Variants in MB21D2 observed in about 807,000 individuals in gnomAD.
The protein encoded by MB21D2 is Mab-21 domain containing 2, also known as nucleotidyltransferase MB21D2.
Under a neutral mutation model 33.3 loss-of-function variants are expected in MB21D2, and 9 were observed. The observed-to-expected ratio is 0.27, with a 90% CI of 0.16 to 0.47. The LOEUF is 0.47. MB21D2 is among the 20% of genes least tolerant of loss of function. The probability of loss-of-function intolerance (pLI) is 0.99; values close to 1 mark genes in which losing one functional copy is unlikely to be tolerated. For synonymous variants in MB21D2, 241 were observed against 236.3 expected, an observed-to-expected ratio of 1.02 and a Z score of -0.18; for missense variants, 540 against 624.6, an observed-to-expected ratio of 0.86 and a Z score of 1.44.
chr3:192,869,318 G>GAGGGAAAA (rs764365715), intron 1 of MB21D2, among the ~76,000 whole-genome samples: 27,772 of 136,166 alleles, frequency 0.2, 3,573 homozygotes, highest in East Asian at 0.55. Context: ...AGGAGGGAAG[G>GAGGGAAAA]AGGGAAAAAG....
intron 1 of MB21D2, among the ~76,000 whole-genome samples, chr3:192,819,508 C>CCACTTGGAT: frequency 6.6e-6 from 1 of 152,312 alleles, no homozygotes; most frequent in South Asian, 2.1e-4. Flanking sequence ...CCCGCTTCGA[C>CCACTTGGAT]CACTTGGATC....
chr3:192,856,331 A>G (rs994206557), intron 1 of MB21D2, among the ~76,000 whole-genome samples: 1 of 152,192 alleles, frequency 6.6e-6, no homozygotes, highest in Admixed American at 6.5e-5. Flanking sequence ...TGCAACCTTG[A>G]GCAGATCACT....
Position 192,823,022 on chromosome 3 carries a change from A to G in MB21D2, c.212-23372T>C, listed in dbSNP as rs7635308. 4.1e-3 allele frequency among the ~76,000 whole-genome samples: 630 copies of G among 152,334 alleles called. 4 individuals carry two copies. The highest frequency in any genetic ancestry group is 0.015 in the African/African-American group (615 of 41,574). On this transcript the variant is annotated intron_variant, in intron 1 of 1. Coordinates refer to ENST00000392452, the MANE Select transcript of MB21D2 (RefSeq NM_178496.4). ...ACATTCAATCTCCATAGTTTCTACT[A>G]AACGGATATGATAAAATATAATAAA...
chr3:192,824,882 G>A (rs559804479), intron 1 of MB21D2, among the ~76,000 whole-genome samples: 1 of 152,242 alleles, frequency 6.6e-6, no homozygotes, highest in Non-Finnish European at 1.5e-5. Flanking sequence ...AAGGTGCGCA[G>A]AAAGTCCTAA....
intron 1 of MB21D2, among the ~76,000 whole-genome samples, chr3:192,807,255 G>A (rs930708258): frequency 1.3e-5 from 2 of 150,544 alleles, no homozygotes; most frequent in African/African-American, 4.9e-5. Context: ...GCTTCCCAAA[G>A]TCACAATAGG....
In MB21D2 at chr3:192,905,837, GAAGAAAAAGAAAAGGA is replaced by G. The variant is rs546291794; in HGVS notation, c.211+11777_211+11792del. Among the ~76,000 whole-genome samples, 98 of 151,542 alleles carry G rather than the reference GAAGAAAAAGAAAAGGA, an allele frequency of 6.5e-4. 1 individual carries two copies. In the South Asian group the frequency reaches 0.012, roughly 19 times the overall value. ...GACAGAGCACGCCCTGTCTCAAAAA[GAAGAAAAAGAAAAGGA>G]AAGGAAAAGAAAAGTATTGTAATAT... is the stretch of plus-strand genomic sequence containing the variant. On this transcript the variant is annotated intron_variant, in intron 1 of 1. Transcript: ENST00000392452.
intron 1 of MB21D2, among the ~76,000 whole-genome samples, chr3:192,897,837 C>A (rs944730981): frequency 6.6e-6 from 1 of 151,978 alleles, no homozygotes; most frequent in Non-Finnish European, 1.5e-5. Context: ...ACTAAAAATA[C>A]AAAAATTAGC....
chr3:192,914,309 AATG>A (rs1391855437), intron 1 of MB21D2, among the ~76,000 whole-genome samples: 1 of 152,176 alleles, frequency 6.6e-6, no homozygotes, highest in Non-Finnish European at 1.5e-5. Flanking sequence ...ATGATTAGTA[AATG>A]ATTAACTACC....
intron 1 of MB21D2, among the ~76,000 whole-genome samples, chr3:192,860,280 A>G (rs567658135): frequency 7.9e-5 from 12 of 152,240 alleles, no homozygotes; most frequent in Non-Finnish European, 1.5e-4. Flanking sequence ...TTCTACATCC[A>G]GTTCAGATTC....
chr3:192,858,052 G>A lies in MB21D2; in HGVS notation c.212-58402C>T, dbSNP rs575663095. Among the ~76,000 whole-genome samples, 10 of 152,276 alleles carry A rather than the reference G, an allele frequency of 6.6e-5. 1 individual carries two copies. In the South Asian group the frequency reaches 1.7e-3, roughly 25 times the overall value. ...AGGCAGGAAAATCGCTTGAACCCAG[G>A]AGATGGAGGTTGCGGTGAGCCAAGA... On this transcript the variant is annotated intron_variant, in intron 1 of 1. Coordinates refer to ENST00000392452, the MANE Select transcript of MB21D2 (RefSeq NM_178496.4).
intron 1 of MB21D2, among the ~76,000 whole-genome samples, chr3:192,848,398 C>A (rs1422857301): frequency 6.6e-6 from 1 of 152,218 alleles, no homozygotes; most frequent in African/African-American, 2.4e-5. Flanking sequence ...CTTCAAAAAA[C>A]TCTGGCCCAG....
chr3:192,847,931 A>G (rs143967430), intron 1 of MB21D2, among the ~76,000 whole-genome samples: 9 of 152,348 alleles, frequency 5.9e-5, no homozygotes, highest in African/African-American at 1.7e-4. Context: ...ACAGAATTCA[A>G]TTTGGGCTTA....
At chr3:192,842,399 C>T (rs1345891183) in intron 1 of MB21D2, among the ~76,000 whole-genome samples, 1 of 152,200 alleles carries the variant, frequency 6.6e-6, no homozygotes, top group Non-Finnish European at 1.5e-5. Flanking sequence ...CAAAGCACCA[C>T]CATTCATGCA....
chr3:192,908,804 G>A (rs145529504), intron 1 of MB21D2, among the ~76,000 whole-genome samples: 343 of 152,124 alleles, frequency 2.3e-3, no homozygotes, highest in African/African-American at 7.8e-3. Context: ...GCGGACATAA[G>A]GTGTCAGAAG....
In MB21D2 at chr3:192,897,032, G is replaced by A. The variant is rs184381850; in HGVS notation, c.211+20598C>T. Among the ~76,000 whole-genome samples the A allele has an allele frequency of 1.4e-3, 219 of 152,310 alleles. 3 individuals carry two copies. Among genetic ancestry groups the A allele is most frequent in the Non-Finnish European group, 4.3e-4 (29 of 68,018 alleles). On this transcript the variant is annotated intron_variant, in intron 1 of 1. Coordinates refer to ENST00000392452, the MANE Select transcript of MB21D2 (RefSeq NM_178496.4). ...CAAGACATAAATTCCTCTATGGAAG[G>A]AGGAGAAGAGAGACAAGGAAAGAGA... is the stretch of plus-strand genomic sequence containing the variant.
chr3:192,889,274 C>A (rs148746171), intron 1 of MB21D2, among the ~76,000 whole-genome samples: 1 of 151,866 alleles, frequency 6.6e-6, no homozygotes, highest in African/African-American at 2.4e-5. Flanking sequence ...TCAAAGAGTA[C>A]TTATAACACA....
chr3:192,801,092 G>A (rs1011010097), intron 1 of MB21D2, among the ~76,000 whole-genome samples: 2 of 152,220 alleles, frequency 1.3e-5, no homozygotes, highest in Middle Eastern at 3.4e-3. Context: ...GCATGCAGTA[G>A]GAACATAATT....
At chr3:192,826,466 T>A (rs918306747) in intron 1 of MB21D2, among the ~76,000 whole-genome samples, 4 of 152,258 alleles carry the variant, frequency 2.6e-5, no homozygotes, top group Non-Finnish European at 5.9e-5. Flanking sequence ...TGTCTTGGGC[T>A]ATTAAAACTA....
chr3:192,908,722 TTTC>T (rs1714266466), intron 1 of MB21D2, among the ~76,000 whole-genome samples: 1 of 151,766 alleles, frequency 6.6e-6, no homozygotes, highest in Non-Finnish European at 1.5e-5. Context: ...CGGGCCAAAT[TTTC>T]TTCTTCTCAA....
Sources: gnomAD v4.1 joint callset for allele counts (sites outside exome capture counted in the v4.1 genomes callset) on GRCh38, gnomAD v4.1.1 for gene constraint, MANE v1.5 for transcripts, NCBI Gene and HGNC (gene_info 2026-07-23, HGNC 2026-07-21) for gene names.